The following CDK7 variants were observed in gnomAD, a reference collection of about 807,000 sequenced individuals.
CDK7 encodes the protein cyclin dependent kinase 7.
CDK7 carries 25 observed loss-of-function variants against 49.1 expected under a neutral mutation model. That is an observed-to-expected ratio of 0.51 (90% CI 0.37 to 0.71). CDK7 has a LOEUF of 0.71. Ranked by LOEUF, CDK7 falls within the 30% of genes least tolerant of loss-of-function variation. The probability of loss-of-function intolerance (pLI) is 0.00; values close to 1 mark genes in which losing one functional copy is unlikely to be tolerated. For missense variants in CDK7, 316 were observed against 411.7 expected, an observed-to-expected ratio of 0.77 and a Z score of 2.01; for synonymous variants, 107 against 140.0, an observed-to-expected ratio of 0.76 and a Z score of 1.67.
chr5:69,247,511 CTT>C (rs149517408), intron 2 of CDK7, among the ~76,000 whole-genome samples: 4 of 143,702 alleles, frequency 2.8e-5, no homozygotes, highest in Admixed American at 6.9e-5. Context: ...TTTGGGGCTT[CTT>C]TTTTTTTTTT....
intron 2 of CDK7, among the ~76,000 whole-genome samples, chr5:69,240,390 T>C (rs1749285213): frequency 6.6e-6 from 1 of 152,164 alleles, no homozygotes; most frequent in African/African-American, 2.4e-5. Context: ...CAAAATGGCA[T>C]GGTTATGTAA....
chr5:69,266,104 G>A (rs1306973389), intron 8 of CDK7, among the ~76,000 whole-genome samples: 4 of 152,026 alleles, frequency 2.6e-5, no homozygotes, highest in East Asian at 1.9e-4. Context: ...CTCTGCAGGC[G>A]CTGCCGCACT....
intron 5 of CDK7, 36 bp from the exon 6 acceptor site, chr5:69,258,006 AT>A (rs1465706227): frequency 1.0e-6 from 1 of 976,778 alleles, no homozygotes; most frequent in Non-Finnish European, 1.6e-6. Context: ...ATTTGAAATA[AT>A]AAAGGGTACC....
In CDK7 at chr5:69,253,993, G is replaced by A. The variant is rs536167864; in HGVS notation, c.161-609G>A. On this transcript the variant is annotated intron_variant, in intron 3 of 11. Transcript: ENST00000256443. ...TGCACACCTGTGGTCCCAGCTACTC[G>A]GGAGGCTGAGGTGGGAAAATTACTT... Among the ~76,000 whole-genome samples the A allele has an allele frequency of 7.9e-5, 12 of 152,194 alleles. No individual in the cohort carries two copies. In the East Asian group the frequency reaches 2.1e-3, roughly 27 times the overall value.
intron 7 of CDK7, among the ~76,000 whole-genome samples, chr5:69,260,848 C>T (rs147265596): frequency 4.6e-4 from 70 of 152,264 alleles, no homozygotes; most frequent in African/African-American, 1.6e-3. Context: ...GACAGGATCT[C>T]GCTCTGTTGC....
intron 5 of CDK7, among the ~76,000 whole-genome samples, chr5:69,256,748 T>G (rs947052216): frequency 6.6e-6 from 1 of 151,998 alleles, no homozygotes; most frequent in African/African-American, 2.4e-5. Context: ...ACAATACTAA[T>G]GGTATTGATC....
At chr5:69,267,503 G>C (rs1751242588) in intron 8 of CDK7, among the ~76,000 whole-genome samples, 1 of 151,542 alleles carries the variant, frequency 6.6e-6, no homozygotes, top group South Asian at 2.1e-4. Context: ...TTGTGATGTT[G>C]ACCAGCTGGT....
In CDK7 at chr5:69,266,631, G is replaced by A. The variant is rs146103437; in HGVS notation, c.628-2576G>A. ...GTGAAGGAAAGTTCTGGGAAAGCAG[G>A]TATGCATCAGGCCTGGAGAGTAGCT... On this transcript the variant is annotated intron_variant, in intron 8 of 11. Transcript: ENST00000256443. Among the ~76,000 whole-genome samples, 496 of 152,048 alleles carry A rather than the reference G, an allele frequency of 3.3e-3. 4 individuals are homozygous for A. Among genetic ancestry groups the A allele is most frequent in the Non-Finnish European group, 5.4e-3 (369 of 68,000 alleles).
intron 8 of CDK7, among the ~76,000 whole-genome samples, chr5:69,268,364 A>G (rs918525808): frequency 1.3e-5 from 2 of 152,164 alleles, no homozygotes; most frequent in African/African-American, 4.8e-5. Flanking sequence ...GGCTTAGCAC[A>G]AGGCCTGTTA....
intron 6 of CDK7, 91 bp from the exon 7 acceptor site, chr5:69,259,727 T>C: frequency 1.3e-6 from 1 of 768,740 alleles, no homozygotes; most frequent in East Asian, 2.5e-5. Flanking sequence ...ACCTTGTTTT[T>C]GCTAAGTTTA....
Position 69,250,801 on chromosome 5 carries a change from A to G in CDK7, c.127-1617A>G, listed in dbSNP as rs147635927. ...ATGTGCTGTGTCATACCTGAAGCCA[A>G]TATGTCTCGGAGTTTCACCTGAGGC... On this transcript the variant is annotated intron_variant, in intron 2 of 11. Transcript: ENST00000256443. 161 of 456,574 alleles carry G rather than the reference A, an allele frequency of 3.5e-4. No individual in the cohort carries two copies. The East Asian group carries it at 7.5e-3, about 21-fold the overall frequency. 28.3% of individuals were successfully genotyped at this position (456,574 alleles called of 1,614,324 possible).
In CDK7 at chr5:69,254,443, A is replaced by AC. The variant is rs578085067; in HGVS notation, c.161-156dup. ...AGGCTGAGGCAGGAGAATTGCTTGA[A>AC]CCCGGGAAGCAGAGGTTGCAGTGAG... On this transcript the variant is annotated intron_variant, in intron 3 of 11. Transcript: ENST00000256443. Among the ~76,000 whole-genome samples, 19 of 144,040 alleles carry AC rather than the reference A, an allele frequency of 1.3e-4. 1 individual carries two copies. In the East Asian group the frequency reaches 3.8e-3, roughly 29 times the overall value. 94.5% of individuals were successfully genotyped at this position (144,040 alleles called of 152,430 possible).
chr5:69,244,542 G>A (rs1398813867), intron 2 of CDK7, among the ~76,000 whole-genome samples: 4 of 151,404 alleles, frequency 2.6e-5, no homozygotes, highest in South Asian at 2.1e-4. Flanking sequence ...AGGCTGAGGA[G>A]GGAGAATTGC....
Position 69,276,588 on chromosome 5 carries a change from GGATGTCAGCTGCCAA to G in CDK7, c.913_927del (p.Cys305_Arg309del). 1 of 1,613,722 alleles carries G rather than the reference GGATGTCAGCTGCCAA, an allele frequency of 6.2e-7. No homozygotes were observed. Among genetic ancestry groups the G allele is most frequent in the Non-Finnish European group, 8.5e-7 (1 of 1,179,984 alleles). On this transcript the variant is annotated inframe_deletion, in exon 11 of 12. Coordinates refer to ENST00000256443, the MANE Select transcript of CDK7 (RefSeq NM_001799.4). ...CAGTAATCGGCCAGGGCCAACACCT[GGATGTCAGCTGCCAA>G]GACCAAACTGTCCAGTGGAAACCTT...
chr5:69,242,175 G>A (rs191077446), intron 2 of CDK7, among the ~76,000 whole-genome samples: 18 of 152,132 alleles, frequency 1.2e-4, no homozygotes, highest in African/African-American at 4.3e-4. Context: ...AACAAAGAAA[G>A]AGTTTAATTG....
chr5:69,263,285 C>T (rs558020224), intron 8 of CDK7, among the ~76,000 whole-genome samples: 7 of 152,328 alleles, frequency 4.6e-5, no homozygotes, highest in African/African-American at 1.7e-4. Flanking sequence ...GACCCCTGCT[C>T]TCCCTCTCCT....
intron 2 of CDK7, chr5:69,250,793 T>G (rs1324994640): frequency 2.2e-6 from 1 of 456,598 alleles, no homozygotes; most frequent in Non-Finnish European, 4.4e-6. Flanking sequence ...GTGTCATACC[T>G]GAAGCCAATA....
At chr5:69,240,134 T>C (rs1749271513) in intron 2 of CDK7, among the ~76,000 whole-genome samples, 1 of 152,180 alleles carries the variant, frequency 6.6e-6, no homozygotes, top group African/African-American at 2.4e-5. Context: ...GGAACTTGGG[T>C]CCAATTTCTG....
chr5:69,262,331 T>C, intron 8 of CDK7, 27 bp downstream of exon 8: 1 of 1,613,938 alleles, frequency 6.2e-7, no homozygotes, highest in Non-Finnish European at 8.5e-7. Context: ...GTACGCACTT[T>C]AATATTGTTG....
Sources: allele counts gnomAD v4.1 joint callset (sites outside exome capture counted in the v4.1 genomes callset), GRCh38; gene constraint gnomAD v4.1.1; transcripts MANE v1.5; gene names NCBI Gene and HGNC (gene_info 2026-07-23, HGNC 2026-07-21).